SAMHD1: variants seen among roughly 807,000 people sequenced by gnomAD.
The protein encoded by SAMHD1 is SAM and HD domain containing deoxynucleoside triphosphate triphosphohydrolase 1.
Under a neutral mutation model 79.6 loss-of-function variants are expected in SAMHD1, and 54 were observed. The ratio of observed to expected loss-of-function variants is 0.68; its 90% confidence interval spans 0.55 to 0.85. SAMHD1 has a LOEUF of 0.85. Ranked by LOEUF, SAMHD1 falls within the 40% of genes least tolerant of loss-of-function variation. The probability of loss-of-function intolerance (pLI) is 0.00; values close to 1 mark genes in which losing one functional copy is unlikely to be tolerated. For missense variants in SAMHD1, 663 were observed against 782.7 expected, an observed-to-expected ratio of 0.85 and a Z score of 1.82; for synonymous variants, 260 against 264.1, an observed-to-expected ratio of 0.98 and a Z score of 0.15.
At chr20:36,933,745 C>T (rs1280584732) in intron 4 of SAMHD1, among the ~76,000 whole-genome samples, 1 of 152,052 alleles carries the variant, frequency 6.6e-6, no homozygotes, top group African/African-American at 2.4e-5. Flanking sequence ...CCTGCCCCGG[C>T]CTCCCAAAGT....
At chr20:36,933,699 C>T (rs754845517) in intron 4 of SAMHD1, among the ~76,000 whole-genome samples, 1 of 151,966 alleles carries the variant, frequency 6.6e-6, no homozygotes, top group Non-Finnish European at 1.5e-5. Flanking sequence ...CCATGTTGCT[C>T]AGGCTGGTCT....
At position 36,946,845 on chromosome 20, in the gene SAMHD1, G is replaced by A. The variant is rs1341041336; in HGVS notation, c.209-41C>T. ...GACAAATTCAATGTATACAACATAT[G>A]CTTTTCATTTTCTTTCAATTTGGAT... On this transcript the variant is annotated intron_variant, in intron 1 of 15. Coordinates refer to ENST00000646673, the MANE Select transcript of SAMHD1 (RefSeq NM_015474.4). 10 of 1,490,526 alleles carry A rather than the reference G, an allele frequency of 6.7e-6. No individual in the cohort carries two copies. In the South Asian group the frequency reaches 1.2e-4, roughly 17 times the overall value. The allele number at this position is 1,490,526 out of a possible 1,614,324, so 92.3% of individuals were successfully genotyped here.
chr20:36,908,671 T>C (rs6102737), intron 11 of SAMHD1, among the ~76,000 whole-genome samples: 58,502 of 152,102 alleles, frequency 0.38, 12,245 homozygotes, highest in South Asian at 0.58. Flanking sequence ...ATTTTTATCA[T>C]ACTTTACAGA....
At chr20:36,951,145 T>C (rs2063730411) in intron 1 of SAMHD1, among the ~76,000 whole-genome samples, 1 of 152,236 alleles carries the variant, frequency 6.6e-6, no homozygotes, top group Non-Finnish European at 1.5e-5. Flanking sequence ...GCTCCCATCC[T>C]ACGAATCGCC....
chr20:36,898,317 T>A (rs929839703), intron 14 of SAMHD1, 123 bp downstream of exon 14: 65 of 778,760 alleles, frequency 8.3e-5, no homozygotes, highest in Non-Finnish European at 1.1e-4. Context: ...TATGAGCTAC[T>A]GTGCCAGGCC....
intron 9 of SAMHD1, among the ~76,000 whole-genome samples, chr20:36,916,085 C>T (rs543985439): frequency 2.0e-5 from 3 of 151,768 alleles, no homozygotes; most frequent in East Asian, 1.9e-4. Context: ...GGCGTGAACC[C>T]GGGAGGCGGA....
chr20:36,907,816 A>G (rs1433175016), intron 11 of SAMHD1, among the ~76,000 whole-genome samples: 2 of 152,040 alleles, frequency 1.3e-5, no homozygotes, highest in African/African-American at 4.8e-5. Context: ...ATTATGAATG[A>G]AAATTAAAAG....
chr20:36,927,981 C>A (rs2063546473), intron 5 of SAMHD1, among the ~76,000 whole-genome samples: 1 of 152,198 alleles, frequency 6.6e-6, no homozygotes, highest in African/African-American at 2.4e-5. Context: ...CATGCACCAC[C>A]ACACAGGGCT....
At chr20:36,894,079 T>C in intron 15 of SAMHD1, 1 of 396,824 alleles carries the variant, frequency 2.5e-6, no homozygotes. Context: ...GTCTCTCCTA[T>C]CCTAGAGGTG....
Position 36,935,093 on chromosome 20 carries a change from G to A in SAMHD1, c.445C>T (p.Gln149Ter), listed in dbSNP as rs121434518. Residue 149 changes from glutamine (Q) to a stop codon, truncating the protein, a stop_gained, in exon 4 of 16, where the codon CAG (glutamine) becomes TAG (stop). Transcript: ENST00000646673. LOFTEE classifies it high-confidence loss of function. ...PQFQRLRYIK[Q>*]LGGGYYVFPG... ...AAAACATAGTAACCACCTCCCAGCT[G>A]TTTGATGTATCGAAGACGTTGAAAT... The A allele has an allele frequency of 6.2e-7, 1 of 1,614,064 alleles. No homozygotes were observed. The highest frequency in any genetic ancestry group is 8.5e-7 in the Non-Finnish European group (1 of 1,179,942).
intron 14 of SAMHD1, among the ~76,000 whole-genome samples, 172 bp downstream of exon 14, chr20:36,898,268 T>G (rs757810732): frequency 6.6e-6 from 1 of 152,164 alleles, no homozygotes; most frequent in Non-Finnish European, 1.5e-5. Context: ...TCTCAAGTGA[T>G]CGTCCTGCTT....
chr20:36,904,439 C>T (rs1356849036), intron 12 of SAMHD1, 190 bp from the exon 13 acceptor site: 1 of 580,812 alleles, frequency 1.7e-6, no homozygotes, highest in Non-Finnish European at 3.1e-6. Context: ...TAAAAAGTGG[C>T]CAGGCGCAGT....
At chr20:36,910,334 T>C (rs559298240) in intron 11 of SAMHD1, among the ~76,000 whole-genome samples, 66 of 151,436 alleles carry the variant, frequency 4.4e-4, no homozygotes, top group African/African-American at 1.6e-3. Flanking sequence ...GCTCCGGAGG[T>C]TGAGGCTGCA....
intron 2 of SAMHD1, among the ~76,000 whole-genome samples, chr20:36,944,093 AAAAAG>A (rs71186092): frequency 0.057 from 8,455 of 148,624 alleles, 333 homozygotes; most frequent in Non-Finnish European, 0.094. Flanking sequence ...AAAAAAAAAA[AAAAAG>A]AACTTTGGGA....
At chr20:36,897,146 C>T (rs1007941671) in intron 15 of SAMHD1, among the ~76,000 whole-genome samples, 4 of 152,232 alleles carry the variant, frequency 2.6e-5, no homozygotes, top group African/African-American at 9.6e-5. Flanking sequence ...GCTTTCATGT[C>T]TCACCCTATC....
At position 36,916,946 on chromosome 20, in the gene SAMHD1, T is replaced by C; in HGVS notation, c.953+3A>G. The C allele has an allele frequency of 1.9e-6, 3 of 1,607,278 alleles. No homozygotes were observed. Among genetic ancestry groups the C allele is most frequent in the South Asian group, 1.1e-5 (1 of 90,928 alleles). On this transcript the variant is annotated splice_donor_region_variant and intron_variant, in intron 8 of 15. Transcript: ENST00000646673. ...CAACTTTTCAGAAGTGTTCAGTGCA[T>C]ACCTGGCAAAATAATCCCATTTGTC...
chr20:36,903,764 C>A (rs2063390101), intron 13 of SAMHD1, among the ~76,000 whole-genome samples: 1 of 95,180 alleles, frequency 1.1e-5, no homozygotes, highest in Non-Finnish European at 2.2e-5. Context: ...GTTGGCCAGG[C>A]TGGTTTTGAA....
chr20:36,943,848 G>A (rs1228176847), intron 2 of SAMHD1, among the ~76,000 whole-genome samples: 3 of 152,110 alleles, frequency 2.0e-5, no homozygotes, highest in Non-Finnish European at 4.4e-5. Flanking sequence ...GGGAGGCTGA[G>A]GCAGGCAGAT....
At chr20:36,935,393 T>G in intron 3 of SAMHD1, 2 of 577,506 alleles carry the variant, frequency 3.5e-6, no homozygotes, top group Non-Finnish European at 6.1e-6. Flanking sequence ...TTGAGTATAT[T>G]TTACTTCTTC....
Sources: gnomAD v4.1 joint callset for allele counts (sites outside exome capture counted in the v4.1 genomes callset) on GRCh38, gnomAD v4.1.1 for gene constraint, MANE v1.5 for transcripts, NCBI Gene and HGNC (gene_info 2026-07-23, HGNC 2026-07-21) for gene names.